The following AHR variants were observed in gnomAD, a reference collection of about 807,000 sequenced individuals.
AHR encodes AH-receptor.
AHR carries 40 observed loss-of-function variants against 86.8 expected under a neutral mutation model. That is an observed-to-expected ratio of 0.46 (90% confidence interval 0.36 to 0.60). The LOEUF (loss-of-function observed/expected upper bound fraction) is 0.60, where lower values mean the gene tolerates loss of function less well. AHR is among the 20% of genes least tolerant of loss of function. The probability of loss-of-function intolerance (pLI) is 0.00; values close to 1 mark genes in which losing one functional copy is unlikely to be tolerated. For missense variants in AHR, 1,001 were observed against 1,011.6 expected (o/e 0.99, Z 0.14); for synonymous variants, 398 against 354.9 (o/e 1.12, Z -1.37).
At chr7:17,321,793 A>C (rs1477961388) in intron 2 of AHR, among the ~76,000 whole-genome samples, 4 of 152,036 alleles carry the variant, frequency 2.6e-5, no homozygotes, top group Non-Finnish European at 5.9e-5. Flanking sequence ...ATACCTGTGC[A>C]CATCTTTTTT....
intron 10 of AHR, 63 bp downstream of exon 10, chr7:17,340,291 A>G: frequency 6.7e-7 from 1 of 1,502,374 alleles, no homozygotes; most frequent in Non-Finnish European, 8.9e-7. Context: ...TAGACATGTT[A>G]CACATTTTTT....
intron 9 of AHR, 43 bp from the exon 10 acceptor site, chr7:17,338,939 ATGTT>A: frequency 6.8e-7 from 1 of 1,474,342 alleles, no homozygotes; most frequent in Non-Finnish European, 9.1e-7. Context: ...TTATTTTAAA[ATGTT>A]TGATAGAATT....
rs1782396181 is a variant in AHR, at chr7:17,339,578, G to A, written c.1753G>A (p.Val585Ile). Residue 585 changes from valine (V) to isoleucine (I), a missense_variant, in exon 10 of 11, where the codon GTC becomes ATC. Around this residue, in one of 2 missense-constraint regions of AHR, gnomAD observed 607 missense variants for 543.1 expected, o/e 1.12. Transcript: ENST00000242057. ...CTTAACGGATGAAATCCTGACGTATGTCCAAGATTCTTTAAGTAAGTCTCC... is the reference window on the plus strand; with the variant it reads ...CTTAACGGATGAAATCCTGACGTATATCCAAGATTCTTTAAGTAAGTCTCC... ...IDLTDEILTY[V>I]QDSLSKSPFI... 1 of 1,614,178 alleles carries A rather than the reference G, an allele frequency of 6.2e-7. No homozygotes were observed. Among genetic ancestry groups the A allele is most frequent in the South Asian group, 1.1e-5 (1 of 91,080 alleles).
intron 2 of AHR, among the ~76,000 whole-genome samples, chr7:17,319,935 T>G (rs1782151847): frequency 6.6e-6 from 1 of 152,048 alleles, no homozygotes; most frequent in South Asian, 2.1e-4. Context: ...CAATATTTAC[T>G]TCAATTATTT....
Position 17,340,041 on chromosome 7 carries a change from T to G in AHR, c.2216T>G (p.Val739Gly). Residue 739 changes from valine to glycine, a missense_variant, in exon 10 of 11, where the codon GTC (valine) becomes GGC (glycine). This residue lies in a region of AHR where 607 missense variants were observed against 543.1 expected (regional missense o/e 1.12). Transcript: ENST00000242057. Reference protein sequence around the residue: ...YPTTSSLEDFVTCLQLPENQK... With the variant: ...YPTTSSLEDFGTCLQLPENQK... The stretch of plus-strand genomic sequence containing the variant: ...ACTACTTCTAGTTTAGAAGATTTTG[T>G]CACTTGTTTACAACTTCCTGAAAAC... The G allele has an allele frequency of 1.2e-6, 2 of 1,614,226 alleles. No homozygotes were observed. The highest frequency in any genetic ancestry group is 1.7e-6 in the Non-Finnish European group (2 of 1,180,038).
Position 17,343,341 on chromosome 7 carries a change from AT to A in AHR, c.*278del. The A allele has an allele frequency of 2.8e-6, 1 of 356,836 alleles. No homozygotes were observed. The highest frequency in any genetic ancestry group is 5.5e-5 in the South Asian group (1 of 18,342). 22.1% of individuals were successfully genotyped at this position (356,836 alleles called of 1,614,324 possible). On this transcript the variant is annotated 3_prime_UTR_variant, in exon 11 of 11. Transcript: ENST00000242057. ...TTCACATTATTCTGGGCACCACAAAATATACAAAACTTTATCAGGGAAACTA... is the reference window on the plus strand; with the variant it reads ...TTCACATTATTCTGGGCACCACAAAAATACAAAACTTTATCAGGGAAACTA...
At position 17,322,487 on chromosome 7, in the gene AHR, C is replaced by A; in HGVS notation, c.254-14C>A. ...CTTACTTTTAAAATCATTGTTTTTC[C>A]TTTTTTTCCATAGTTGCATTAAAAT... On this transcript the variant is annotated splice_polypyrimidine_tract_variant and intron_variant, in intron 2 of 10. Transcript: ENST00000242057. 6.4e-7 allele frequency: 1 copy of A among 1,551,894 alleles called. No homozygotes were observed. The highest frequency in any genetic ancestry group is 8.9e-7 in the Non-Finnish European group (1 of 1,127,870).
chr7:17,319,297 C>G (rs961709103), intron 2 of AHR, among the ~76,000 whole-genome samples: 2 of 151,976 alleles, frequency 1.3e-5, no homozygotes, highest in Admixed American at 1.3e-4. Flanking sequence ...TTTTAATCCT[C>G]ACAAGAATTT....
intron 6 of AHR, among the ~76,000 whole-genome samples, chr7:17,331,937 G>C (rs991466877): frequency 2.6e-5 from 4 of 151,894 alleles, no homozygotes; most frequent in Non-Finnish European, 4.4e-5. Context: ...TTCTGAAGAG[G>C]ATTTTGCTGA....
intron 4 of AHR, among the ~76,000 whole-genome samples, chr7:17,328,348 A>G (rs1316909241): frequency 6.6e-6 from 1 of 152,014 alleles, no homozygotes; most frequent in Non-Finnish European, 1.5e-5. Flanking sequence ...ATATTGAAGT[A>G]CTGTAAGCAT....
chr7:17,329,346 A>T (rs1164688576), intron 4 of AHR, among the ~76,000 whole-genome samples: 1 of 151,950 alleles, frequency 6.6e-6, no homozygotes, highest in African/African-American at 2.4e-5. Context: ...GACAGATGGA[A>T]ATGTATTTTT....
rs1338825389 is a variant in AHR at position 17,344,077 on chromosome 7, G to A, written c.*1013G>A. ...TAACTGCAACCTTGTTTATTAAATT[G>A]CAAGAAGCTTTATTTCTAGCTTTTT... On this transcript the variant is annotated 3_prime_UTR_variant, in exon 11 of 11. Transcript: ENST00000242057. 1 of 152,566 alleles carries A rather than the reference G, an allele frequency of 6.6e-6. No individual in the cohort carries two copies. Among genetic ancestry groups the A allele is most frequent in the Non-Finnish European group, 1.5e-5 (1 of 68,004 alleles). The allele number at this position is 152,566 out of a possible 1,614,324, so 9.5% of individuals were successfully genotyped here.
chr7:17,335,068 CGTAAT>C, intron 8 of AHR, 72 bp downstream of exon 8: 4 of 1,120,488 alleles, frequency 3.6e-6, no homozygotes, highest in Admixed American at 4.0e-5. Context: ...CAAATTCTTA[CGTAAT>C]GTAAAGTGTT....
chr7:17,312,457 T>C (rs1286711320), intron 2 of AHR, among the ~76,000 whole-genome samples: 1 of 152,224 alleles, frequency 6.6e-6, no homozygotes, highest in Non-Finnish European at 1.5e-5. Context: ...AACACACATA[T>C]ATAAACAGAT....
intron 2 of AHR, among the ~76,000 whole-genome samples, chr7:17,319,709 A>G (rs1355065723): frequency 6.6e-6 from 1 of 152,090 alleles, no homozygotes; most frequent in East Asian, 1.9e-4. Flanking sequence ...CAAGCAATAT[A>G]TACATGAAAA....
chr7:17,322,508 A>G lies in AHR; in HGVS notation c.261A>G (p.Leu87=), dbSNP rs1454006263. The change falls in exon 3 of 11, where the codon TTA becomes TTG. Residue 87 remains leucine (L), a synonymous_variant. Coordinates refer to ENST00000242057, the MANE Select transcript of AHR (RefSeq NM_001621.5). ...LRAKSFFDVA[L]KSSPTERNGG... ...TTTCCTTTTTTTCCATAGTTGCATT[A>G]AAATCCTCCCCTACTGAAAGAAACG... is the stretch of plus-strand genomic sequence containing the variant. 1 of 1,607,208 alleles carries G rather than the reference A, an allele frequency of 6.2e-7. No individual in the cohort carries two copies.
intron 1 of AHR, among the ~76,000 whole-genome samples, chr7:17,308,822 A>C (rs1368614753): frequency 6.6e-6 from 1 of 152,192 alleles, no homozygotes; most frequent in East Asian, 1.9e-4. Flanking sequence ...TACATCACTG[A>C]AAAGAAATTA....
chr7:17,328,107 A>G (rs1017942384), intron 4 of AHR, among the ~76,000 whole-genome samples: 2 of 151,932 alleles, frequency 1.3e-5, no homozygotes, highest in East Asian at 1.9e-4. Flanking sequence ...TCAGGCACGT[A>G]GGGTCTAGGG....
intron 10 of AHR, 47 bp from the exon 11 acceptor site, chr7:17,342,874 C>T (rs1472109301): frequency 1.3e-6 from 2 of 1,558,926 alleles, no homozygotes; most frequent in South Asian, 1.1e-5. Flanking sequence ...GCTTAAGATA[C>T]TTGGAAGATC....
Sources: gnomAD v4.1 joint callset for allele counts (sites outside exome capture counted in the v4.1 genomes callset) on GRCh38, gnomAD v4.1.1 for gene constraint, gnomAD v4.1.1 regional missense constraint, MANE v1.5 for transcripts, NCBI Gene and HGNC (gene_info 2026-07-23, HGNC 2026-07-21) for gene names.